KAZN: variants seen among roughly 807,000 people sequenced by gnomAD.
The protein encoded by KAZN is kazrin.
KAZN carries 40 observed loss-of-function variants against 87.4 expected under a neutral mutation model. That is an observed-to-expected ratio of 0.46 (90% CI 0.36 to 0.60). The LOEUF (loss-of-function observed/expected upper bound fraction) is 0.60. Among genes scored for constraint, KAZN ranks in the 20% least tolerant of loss-of-function variants. The pLI, the probability that KAZN is intolerant of heterozygous loss-of-function variation, is 0.00. For missense variants in KAZN, 898 were observed against 1,073.9 expected, an observed-to-expected ratio of 0.84 and a Z score of 2.29; for synonymous variants, 466 against 458.3, an observed-to-expected ratio of 1.02 and a Z score of -0.22.
At chr1:13,943,598 G>A (rs1435687958) in intron 1 of KAZN, among the ~76,000 whole-genome samples, 1 of 152,044 alleles carries the variant, frequency 6.6e-6, no homozygotes, top group Non-Finnish European at 1.5e-5. Context: ...CTACCAAAGG[G>A]AGTTTTCAGG....
At chr1:14,123,328 G>A (rs2101708465) in intron 1 of KAZN, among the ~76,000 whole-genome samples, 1 of 152,312 alleles carries the variant, frequency 6.6e-6, no homozygotes, top group Middle Eastern at 3.4e-3. Flanking sequence ...CAATGTGGAT[G>A]TTGAGGCTTC....
intron 4 of KAZN, among the ~76,000 whole-genome samples, chr1:15,047,857 G>A (rs893144115): frequency 5.9e-5 from 9 of 152,124 alleles, no homozygotes; most frequent in Non-Finnish European, 1.0e-4. Context: ...GCTGGGGGAC[G>A]AACATGTCCC....
intron 14 of KAZN, chr1:15,112,803 C>A: frequency 2.7e-6 from 1 of 372,898 alleles, no homozygotes; most frequent in South Asian, 3.9e-5. Context: ...GCATGAGAAT[C>A]ACCTGGGGCT....
At chr1:14,976,120 C>CACAGCCGCACACTGT (rs71306998) in intron 2 of KAZN, among the ~76,000 whole-genome samples, 26,840 of 151,592 alleles carry the variant, frequency 0.18, 2,590 homozygotes, top group African/African-American at 0.23. Flanking sequence ...CCGCACACTG[C>CACAGCCGCACACTGT]GAGCCTGTTG....
chr1:14,308,474 A>G (rs1429356506), intron 2 of KAZN, among the ~76,000 whole-genome samples: 1 of 152,256 alleles, frequency 6.6e-6, no homozygotes, highest in Non-Finnish European at 1.5e-5. Context: ...GGATCTGGGT[A>G]AAAGTTATAT....
At chr1:14,956,488 C>G (rs974028553) in intron 1 of KAZN, among the ~76,000 whole-genome samples, 2 of 151,808 alleles carry the variant, frequency 1.3e-5, no homozygotes, top group African/African-American at 2.4e-5. Context: ...AGCCTGTAAT[C>G]CCAGCTACTC....
chr1:14,034,861 G>A (rs1641480848), intron 1 of KAZN, among the ~76,000 whole-genome samples: 1 of 152,170 alleles, frequency 6.6e-6, no homozygotes, highest in Admixed American at 6.6e-5. Context: ...GGTAAAGACT[G>A]GTGGGAAGTA....
At chr1:13,926,674 T>G (rs1410740726) in intron 1 of KAZN, among the ~76,000 whole-genome samples, 1 of 151,194 alleles carries the variant, frequency 6.6e-6, no homozygotes, top group African/African-American at 2.4e-5. Context: ...AAAAATCTCC[T>G]GGGAACTTCA....
At chr1:15,054,782 A>C (rs1674776720) in intron 4 of KAZN, among the ~76,000 whole-genome samples, 1 of 152,282 alleles carries the variant, frequency 6.6e-6, no homozygotes, top group South Asian at 2.1e-4. Context: ...GGGAGATAAC[A>C]CAGCTGAAAG....
At chr1:14,559,703 G>C (rs1297930502) in intron 2 of KAZN, among the ~76,000 whole-genome samples, 4 of 152,152 alleles carry the variant, frequency 2.6e-5, no homozygotes, top group African/African-American at 9.7e-5. Flanking sequence ...CCTAGTTAGA[G>C]GTAAGGATCC....
chr1:14,156,300 T>A (rs928134716), intron 1 of KAZN, among the ~76,000 whole-genome samples: 8 of 152,224 alleles, frequency 5.3e-5, no homozygotes, highest in African/African-American at 1.9e-4. Context: ...AGGAAAAGAA[T>A]GAATATTCTG....
chr1:14,223,152 C>T (rs1647145865), intron 2 of KAZN: 1 of 152,200 alleles, frequency 6.6e-6, no homozygotes. Flanking sequence ...GGTGGAAGAG[C>T]TCTCTGGATT....
intron 1 of KAZN, among the ~76,000 whole-genome samples, chr1:14,131,411 A>T (rs1570815127): frequency 2.0e-5 from 3 of 152,264 alleles, no homozygotes; most frequent in Admixed American, 1.3e-4. Context: ...TCAATCCGAT[A>T]CGTTAGAGTT....
intron 2 of KAZN, among the ~76,000 whole-genome samples, chr1:14,277,299 C>T (rs74616043): frequency 0.092 from 13,965 of 152,164 alleles, 779 homozygotes; most frequent in Admixed American, 0.15. Flanking sequence ...CTAAAAGCTA[C>T]GGTCTCTTTT....
chr1:15,019,000 C>T (rs115909819), intron 2 of KAZN, among the ~76,000 whole-genome samples: 2,546 of 152,286 alleles, frequency 0.017, 73 homozygotes, highest in African/African-American at 0.059. Context: ...AGGCACATGG[C>T]GGGCGGGAGG....
At chr1:14,763,926 G>C (rs1366065550) in intron 1 of KAZN, among the ~76,000 whole-genome samples, 2 of 151,896 alleles carry the variant, frequency 1.3e-5, no homozygotes, top group Non-Finnish European at 2.9e-5. Context: ...ATTTTTGTAT[G>C]TTAGTAGAAA....
intron 2 of KAZN, among the ~76,000 whole-genome samples, chr1:14,419,887 C>T (rs1050076378): frequency 2.0e-4 from 30 of 152,154 alleles, no homozygotes; most frequent in African/African-American, 7.0e-4. Context: ...ACAGTGAGAC[C>T]CCAAAGAGCG....
At chr1:14,220,880 G>GA in intron 2 of KAZN, among the ~76,000 whole-genome samples, 1 of 152,154 alleles carries the variant, frequency 6.6e-6, no homozygotes, top group Non-Finnish European at 1.5e-5. Context: ...TGATTTTTAA[G>GA]AAAAAAGATT....
At chr1:14,600,752 G>A (rs1676901174) in intron 1 of KAZN, among the ~76,000 whole-genome samples, 1 of 151,024 alleles carries the variant, frequency 6.6e-6, no homozygotes, top group Non-Finnish European at 1.5e-5. Context: ...TAAAGAAATA[G>A]CTAAGAACTG....
Sources: gnomAD v4.1 joint callset for allele counts (sites outside exome capture counted in the v4.1 genomes callset) on GRCh38, gnomAD v4.1.1 for gene constraint, MANE v1.5 for transcripts, NCBI Gene and HGNC (gene_info 2026-07-23, HGNC 2026-07-21) for gene names.